The following PDE11A variants were observed in gnomAD, a reference collection of about 807,000 sequenced individuals.
PDE11A encodes phosphodiesterase 11A.
PDE11A carries 100 observed loss-of-function variants against 100.5 expected under a neutral mutation model. That is an observed-to-expected ratio of 1.00 (90% confidence interval 0.85 to 1.18). The LOEUF is 1.18. Ranked by LOEUF, PDE11A falls within the 50% of genes most tolerant of loss-of-function variation. The probability of loss-of-function intolerance (pLI) is 0.00; values close to 1 mark genes in which losing one functional copy is unlikely to be tolerated. For synonymous variants in PDE11A, 381 were observed against 420.8 expected (o/e 0.91, Z 1.16); for missense variants, 1,141 against 1,152.6 (o/e 0.99, Z 0.15).
chr2:178,053,095 C>A (rs1460996274), intron 1 of PDE11A, among the ~76,000 whole-genome samples: 1 of 152,180 alleles, frequency 6.6e-6, no homozygotes, highest in Non-Finnish European at 1.5e-5. Flanking sequence ...CCCTGGTGAA[C>A]ATCGATGTAA....
intron 12 of PDE11A, among the ~76,000 whole-genome samples, chr2:177,713,694 A>G (rs1040401250): frequency 6.6e-6 from 1 of 152,030 alleles, no homozygotes; most frequent in East Asian, 1.9e-4. Flanking sequence ...ACTGCACTCC[A>G]GTCTGAGCGA....
At chr2:177,820,468 T>C (rs917145655) in intron 6 of PDE11A, among the ~76,000 whole-genome samples, 173 bp from the exon 7 acceptor site, 12 of 151,970 alleles carry the variant, frequency 7.9e-5, no homozygotes, top group African/African-American at 2.9e-4. Context: ...TTCATCACAA[T>C]GAACATCCTA....
intron 5 of PDE11A, among the ~76,000 whole-genome samples, chr2:177,849,582 C>T (rs992644414): frequency 6.6e-6 from 1 of 152,128 alleles, no homozygotes; most frequent in East Asian, 1.9e-4. Context: ...AACTCCCATT[C>T]ACAATTGCTT....
chr2:177,841,163 C>G (rs2083484972), intron 5 of PDE11A, among the ~76,000 whole-genome samples: 1 of 152,160 alleles, frequency 6.6e-6, no homozygotes. Context: ...AACAGAAATG[C>G]TGTAAGAATT....
intron 2 of PDE11A, among the ~76,000 whole-genome samples, chr2:178,080,456 A>G (rs745641081): frequency 3.9e-5 from 6 of 152,302 alleles, no homozygotes; most frequent in African/African-American, 7.2e-5. Context: ...AGATGGTTGT[A>G]GGTGTGCAGT....
chr2:177,840,526 G>C lies in PDE11A; in HGVS notation c.1368-143C>G, dbSNP rs1044151917. On this transcript the variant is annotated intron_variant, in intron 5 of 19. Coordinates refer to ENST00000286063, the MANE Select transcript of PDE11A (RefSeq NM_016953.4). ...GACATTAGTCACAGAACAATAGCAA[G>C]GTAATTATCAGTAGCTACTTCGAAA... is the stretch of plus-strand genomic sequence containing the variant. 21 of 732,386 alleles carry C rather than the reference G, an allele frequency of 2.9e-5. No homozygotes were observed. In the African/African-American group the frequency reaches 3.5e-4, roughly 12 times the overall value. The allele number at this position is 732,386 out of a possible 1,614,324, so 45.4% of individuals were successfully genotyped here.
intron 1 of PDE11A, among the ~76,000 whole-genome samples, chr2:178,035,414 C>T (rs533680745): frequency 7.6e-4 from 116 of 152,292 alleles, no homozygotes; most frequent in Non-Finnish European, 1.1e-3. Flanking sequence ...AGCCCAGGAC[C>T]AGATGGCTTC....
At chr2:177,666,974 G>A (rs1185546459) in intron 18 of PDE11A, among the ~76,000 whole-genome samples, 2 of 149,918 alleles carry the variant, frequency 1.3e-5, no homozygotes, top group African/African-American at 4.9e-5. Context: ...CTGGAGTGCA[G>A]TGGCACAACC....
intron 2 of PDE11A, among the ~76,000 whole-genome samples, chr2:177,943,839 C>G (rs1430920436): frequency 1.3e-5 from 2 of 152,084 alleles, no homozygotes; most frequent in Non-Finnish European, 2.9e-5. Flanking sequence ...ATGATTCCTA[C>G]TAGGTTTTAT....
intron 2 of PDE11A, among the ~76,000 whole-genome samples, chr2:178,003,517 G>T (rs921731854): frequency 6.6e-6 from 1 of 152,098 alleles, no homozygotes; most frequent in African/African-American, 2.4e-5. Context: ...CACAGAGATA[G>T]AAGGTAGACT....
intron 5 of PDE11A, among the ~76,000 whole-genome samples, chr2:177,860,962 A>G (rs573405972): frequency 2.0e-5 from 3 of 151,820 alleles, no homozygotes; most frequent in Admixed American, 1.3e-4. Flanking sequence ...AGGACACTTA[A>G]CAAAAAATGC....
Position 178,012,502 on chromosome 2 carries a change from C to G in PDE11A, c.1071+1800G>C, listed in dbSNP as rs147295755. Among the ~76,000 whole-genome samples the G allele has an allele frequency of 9.9e-5, 15 of 152,210 alleles. No homozygotes were observed. The East Asian group carries it at 2.9e-3, about 29-fold the overall frequency. On this transcript the variant is annotated intron_variant, in intron 2 of 19. Transcript: ENST00000286063. ...GTTGACAGATGAGAAAACTTCAGGT[C>G]AGAGGTAAGTGTGAGCTGTGCATCC...
intron 2 of PDE11A, among the ~76,000 whole-genome samples, chr2:177,945,166 A>G (rs761360557): frequency 0.011 from 1,700 of 151,424 alleles, 24 homozygotes; most frequent in East Asian, 0.072. Context: ...GTCTCGGCTC[A>G]CTACAACCTA....
intron 19 of PDE11A, among the ~76,000 whole-genome samples, chr2:177,639,934 G>A (rs1291400957): frequency 2.0e-5 from 3 of 152,024 alleles, no homozygotes; most frequent in Non-Finnish European, 4.4e-5. Context: ...AATGTCCAAC[G>A]GTGTCATTAA....
intron 1 of PDE11A, among the ~76,000 whole-genome samples, chr2:178,056,753 G>T (rs529432086): frequency 6.6e-6 from 1 of 152,238 alleles, no homozygotes; most frequent in East Asian, 1.9e-4. Flanking sequence ...TTAAAAATAT[G>T]ATTGTAAAAT....
At chr2:178,055,354 G>A (rs2086886102) in intron 1 of PDE11A, among the ~76,000 whole-genome samples, 1 of 151,680 alleles carries the variant, frequency 6.6e-6, no homozygotes, top group Non-Finnish European at 1.5e-5. Flanking sequence ...TCATGGGGTG[G>A]GGGGGAGGGA....
rs146599987 is a variant in PDE11A, at chr2:177,875,906, T to G, written c.1320A>C (p.Lys440Asn). 13 of 1,610,458 alleles carry G rather than the reference T, an allele frequency of 8.1e-6. No individual in the cohort carries two copies. The South Asian group carries it at 1.3e-4, about 16-fold the overall frequency. ...ACTTTGGGGACATCAATTCAAAGGA[T>G]TTGGTAAATTTCACCACCTGTCGCA... is the stretch of plus-strand genomic sequence containing the variant. ...DIESPVVKFT[K>N]SFELMSPKCS... Residue 440 changes from lysine to asparagine, a missense_variant, in exon 5 of 20, where the codon AAA becomes AAC. Physicochemically the swap from Lys to Asn is moderately conservative, Grantham distance 94. Transcript: ENST00000286063.
At chr2:178,092,545 C>T (rs994529025) in intron 2 of PDE11A, 2 of 151,996 alleles carry the variant, frequency 1.3e-5, no homozygotes, top group African/African-American at 4.8e-5. Flanking sequence ...GATCTTCTCT[C>T]TCACTCTTCT....
At chr2:177,752,860 G>A (rs2082042610) in intron 10 of PDE11A, among the ~76,000 whole-genome samples, 1 of 152,198 alleles carries the variant, frequency 6.6e-6, no homozygotes, top group African/African-American at 2.4e-5. Context: ...ATGCGAGTCT[G>A]CAGAATTAAC....
Sources: allele counts gnomAD v4.1 joint callset (sites outside exome capture counted in the v4.1 genomes callset), GRCh38; gene constraint gnomAD v4.1.1; transcripts MANE v1.5; gene names NCBI Gene and HGNC (gene_info 2026-07-23, HGNC 2026-07-21).